Variants in ADPRHL1 observed in about 807,000 individuals in gnomAD.
The protein encoded by ADPRHL1 is ADP-ribosylhydrolase like 1, also known as inactive ADP-ribosyltransferase ARH2.
Under a neutral mutation model 44.1 loss-of-function variants are expected in ADPRHL1, and 43 were observed. The ratio of observed to expected loss-of-function variants is 0.98; its 90% confidence interval spans 0.76 to 1.26. ADPRHL1 has a LOEUF of 1.26. ADPRHL1 is among the 50% of genes most tolerant of loss of function. ADPRHL1 has a pLI of 0.00. For synonymous variants in ADPRHL1, 878 were observed against 1,017.4 expected (o/e 0.86, Z 2.61); for missense variants, 2,022 against 2,496.9 (o/e 0.81, Z 4.05).
In ADPRHL1 at chr13:113,407,732, G is replaced by A. The variant is rs953954393; in HGVS notation, c.1550C>T (p.Ala517Val). Residue 517 changes from alanine to valine, a missense_variant, in exon 8 of 8, where the codon GCG (alanine) becomes GTG (valine). By Grantham distance (64) the Ala-to-Val change is moderately conservative. Transcript: ENST00000612156. ...KIFLAAEEKE[A>V]KEKEAREKPP... is the part of the protein sequence containing the mutation. ...CTTCTCGCGTGCTTCTTTCTCCTTCGCCTCCTTCTCCTCGGCGGCCAAGAA... is the reference window on the plus strand; with the variant it reads ...CTTCTCGCGTGCTTCTTTCTCCTTCACCTCCTTCTCCTCGGCGGCCAAGAA... The A allele has an allele frequency of 4.3e-5, 53 of 1,232,114 alleles. No homozygotes were observed. Among genetic ancestry groups the A allele is most frequent in the South Asian group, 2.5e-4 (6 of 24,320 alleles). 76.3% of individuals were successfully genotyped at this position (1,232,114 alleles called of 1,614,324 possible). A position where few individuals can be genotyped will look rare whatever the true frequency, so the allele number is the denominator to read the frequency against.
intron 1 of ADPRHL1, among the ~76,000 whole-genome samples, chr13:113,449,481 C>T (rs1019445074): frequency 2.0e-5 from 3 of 150,572 alleles, no homozygotes; most frequent in Non-Finnish European, 3.0e-5. Context: ...GGAGGCAGCC[C>T]GGTTCAGAGA....
chr13:113,423,948 A>G (rs551825899), intron 6 of ADPRHL1, among the ~76,000 whole-genome samples: 1 of 152,328 alleles, frequency 6.6e-6, no homozygotes, highest in South Asian at 2.1e-4. Flanking sequence ...GGACCAGGTG[A>G]GAGACTCTTG....
rs948912509 is a variant in ADPRHL1 at position 113,400,031 on chromosome 13, G to A, written c.*3347C>T. 2.0e-5 allele frequency: 3 copies of A among 151,932 alleles called. No homozygotes were observed. The highest frequency in any genetic ancestry group is 1.9e-4 in the East Asian group (1 of 5,204). 9.4% of individuals were successfully genotyped at this position (151,932 alleles called of 1,614,324 possible). ...CACAGTGGGCCTGTCGACAGCCGGAGGCACCGTAAAAAACTGCAGGGAGGA... is the reference window on the plus strand; with the variant it reads ...CACAGTGGGCCTGTCGACAGCCGGAAGCACCGTAAAAAACTGCAGGGAGGA... On this transcript the variant is annotated 3_prime_UTR_variant, in exon 8 of 8. Transcript: ENST00000612156.
rs537884800 is a variant in ADPRHL1 at position 113,451,570 on chromosome 13, A to G, written c.214+1654T>C. Among the ~76,000 whole-genome samples, 15 of 152,236 alleles carry G rather than the reference A, an allele frequency of 9.9e-5. No homozygotes were observed. In the East Asian group the frequency reaches 2.1e-3, roughly 22 times the overall value. ...CGCCTGTCATCCCAGCACTTTGGGA[A>G]GCTGAGGTGGGTGGATCACTTGAGG... On this transcript the variant is annotated intron_variant, in intron 1 of 7. Coordinates refer to ENST00000612156, the MANE Select transcript of ADPRHL1 (RefSeq NM_001394807.1).
At position 113,453,121 on chromosome 13, in the gene ADPRHL1, A is replaced by C. The variant is rs893265129; in HGVS notation, c.214+103T>G. The C allele has an allele frequency of 2.7e-5, 35 of 1,286,866 alleles. No individual in the cohort carries two copies. Among genetic ancestry groups the C allele is most frequent in the Non-Finnish European group, 3.6e-5 (33 of 912,518 alleles). 79.7% of individuals were successfully genotyped at this position (1,286,866 alleles called of 1,614,324 possible). A position where few individuals can be genotyped will look rare whatever the true frequency, so the allele number is the denominator to read the frequency against. Reference sequence around the variant, plus strand: ...CGGTATCAGGTAACACCATCCGCTGAAGGACCGCACTGCCTTCAAAGCTCT... The same window carrying C: ...CGGTATCAGGTAACACCATCCGCTGCAGGACCGCACTGCCTTCAAAGCTCT... On this transcript the variant is annotated intron_variant, in intron 1 of 7. Transcript: ENST00000612156. The surrounding 1 kb of genome is among the most constrained non-coding windows in gnomAD (Gnocchi z 5.4).
chr13:113,423,587 C>T lies in ADPRHL1; in HGVS notation c.908-608G>A, dbSNP rs556063716. Reference sequence around the variant, plus strand: ...CTGAAGGGAGGCAATTTCAGCCAGTCTCACAGAACCATAACAGCTGCTCCC... The same window carrying T: ...CTGAAGGGAGGCAATTTCAGCCAGTTTCACAGAACCATAACAGCTGCTCCC... On this transcript the variant is annotated intron_variant, in intron 6 of 7. Transcript: ENST00000612156. Among the ~76,000 whole-genome samples, 5 of 152,364 alleles carry T rather than the reference C, an allele frequency of 3.3e-5. No individual in the cohort carries two copies. In the South Asian group the frequency reaches 1.0e-3, roughly 32 times the overall value.
intron 2 of ADPRHL1, among the ~76,000 whole-genome samples, chr13:113,435,234 GTGTAGAGTGAA>G (rs2044043160): frequency 1.3e-3 from 20 of 15,116 alleles, no homozygotes; most frequent in Non-Finnish European, 1.6e-3. Context: ...CAGCACCCAG[GTGTAGAGTGAA>G]CACAGGTGTA....
intron 2 of ADPRHL1, among the ~76,000 whole-genome samples, chr13:113,439,110 T>TCTTTC (rs1181508247): frequency 2.0e-5 from 3 of 152,158 alleles, no homozygotes; most frequent in Non-Finnish European, 4.4e-5. Flanking sequence ...ACTGAAATTC[T>TCTTTC]CTTTCCTTTT....
At chr13:113,436,413 TAGGGTGAACATAGGTGTACCCCGG>T (rs2044057344) in intron 2 of ADPRHL1, among the ~76,000 whole-genome samples, 5 of 2,422 alleles carry the variant, frequency 2.1e-3, no homozygotes, top group Admixed American at 4.5e-3. Context: ...CACCCAGGTG[TAGGGTGAACATAGGTGTACCCCGG>T]GACCCGGCAC....
rs1175063349 is a variant in ADPRHL1, at chr13:113,407,935, C to T, written c.1347G>A (p.Arg449=). 3 of 1,231,882 alleles carry T rather than the reference C, an allele frequency of 2.4e-6. No homozygotes were observed. Among genetic ancestry groups the T allele is most frequent in the Admixed American group, 4.2e-5 (1 of 23,706 alleles). The allele number at this position is 1,231,882 out of a possible 1,614,324, so 76.3% of individuals were successfully genotyped here. A position where few individuals can be genotyped will look rare whatever the true frequency, so the allele number is the denominator to read the frequency against. Residue 449 remains arginine, a synonymous_variant, in exon 8 of 8, where the codon AGG becomes AGA. Transcript: ENST00000612156. ...TGRERYLKRT[R]EVGRLISKDK... ...CCTTGGAGATCAGCCGGCCCACCTC[C>T]CTGGTCCTCTTGAGGTAGCGCTCCC...
At chr13:113,434,334 C>G (rs1377512615) in intron 2 of ADPRHL1, among the ~76,000 whole-genome samples, 5 of 151,214 alleles carry the variant, frequency 3.3e-5, no homozygotes. Context: ...TAGGTGTACC[C>G]CGTGACCCAG....
chr13:113,446,752 T>C (rs2044141382), intron 1 of ADPRHL1, among the ~76,000 whole-genome samples: 2 of 152,012 alleles, frequency 1.3e-5, no homozygotes, highest in Admixed American at 1.3e-4. Flanking sequence ...ACACAGGGTG[T>C]TTACATGCAC....
At chr13:113,411,952 C>T (rs572066813) in intron 7 of ADPRHL1, among the ~76,000 whole-genome samples, 143 of 152,374 alleles carry the variant, frequency 9.4e-4, no homozygotes, top group Admixed American at 6.1e-3. Flanking sequence ...GCGCCCACCG[C>T]CCACTATTGC....
In ADPRHL1 at chr13:113,404,686, A is replaced by G. The variant is rs1043509462; in HGVS notation, c.4596T>C (p.Ser1532=). The part of the protein sequence containing the change: ...EQAQGGTQGH[S]QGQAQKQFQN... ...GAAACTGTTTCTGGGCCTGTCCCTG[A>G]CTGTGTCCCTGGGTCCCACCCTGAG... The change falls in exon 8 of 8, where the codon AGT becomes AGC. Residue 1532 remains serine, a synonymous_variant. Coordinates refer to ENST00000612156, the MANE Select transcript of ADPRHL1 (RefSeq NM_001394807.1). The G allele has an allele frequency of 7.7e-7, 1 of 1,292,838 alleles. No homozygotes were observed. The highest frequency in any genetic ancestry group is 9.7e-7 in the Non-Finnish European group (1 of 1,028,688). 80.1% of individuals were successfully genotyped at this position (1,292,838 alleles called of 1,614,324 possible). A position where few individuals can be genotyped will look rare whatever the true frequency, so the allele number is the denominator to read the frequency against.
intron 7 of ADPRHL1, among the ~76,000 whole-genome samples, chr13:113,420,553 GAAAGGT>G (rs1341775183): frequency 6.6e-6 from 1 of 152,066 alleles, no homozygotes; most frequent in Non-Finnish European, 1.5e-5. Flanking sequence ...TTCTTTTCCT[GAAAGGT>G]AATTCTCAGT....
intron 7 of ADPRHL1, among the ~76,000 whole-genome samples, chr13:113,412,653 C>T (rs1356248173): frequency 1.3e-5 from 2 of 152,214 alleles, no homozygotes; most frequent in Non-Finnish European, 2.9e-5. Context: ...GCAGAAGACC[C>T]GTGGGTGGCG....
At chr13:113,420,494 C>T (rs565255332) in intron 7 of ADPRHL1, among the ~76,000 whole-genome samples, 27 of 152,168 alleles carry the variant, frequency 1.8e-4, no homozygotes, top group Middle Eastern at 3.4e-3. Flanking sequence ...ACAGGTACTA[C>T]GACCGTGTTA....
intron 6 of ADPRHL1, among the ~76,000 whole-genome samples, chr13:113,423,441 G>C (rs1483746734): frequency 6.6e-6 from 1 of 152,202 alleles, no homozygotes; most frequent in African/African-American, 2.4e-5. Context: ...CTTGAGCTGG[G>C]GTCACGGAGG....
rs8001806 is a variant in ADPRHL1, at chr13:113,409,314, A to G, written c.1062-1094T>C. The G allele has an allele frequency of 0.62, 612,533 of 984,852 alleles. 193,175 individuals carry two copies. The highest frequency in any genetic ancestry group is 0.84 in the African/African-American group (48,327 of 57,250). The allele number at this position is 984,852 out of a possible 1,614,324, so 61.0% of individuals were successfully genotyped here. On this transcript the variant is annotated intron_variant, in intron 7 of 7. Transcript: ENST00000612156. This position sits in a 1 kb window ranked among gnomAD's most constrained non-coding sequence, Gnocchi z 4.2. ...GAGCCGTCTCTGACCTCCCCAGATGATAATTTTGGGTAGACGCACCCAGAA... is the reference window on the plus strand; with the variant it reads ...GAGCCGTCTCTGACCTCCCCAGATGGTAATTTTGGGTAGACGCACCCAGAA...
Sources: allele counts gnomAD v4.1 joint callset (sites outside exome capture counted in the v4.1 genomes callset), GRCh38; gene constraint gnomAD v4.1.1; non-coding constraint Gnocchi (gnomAD v3.1); transcripts MANE v1.5; gene names NCBI Gene and HGNC (gene_info 2026-07-23, HGNC 2026-07-21).